The following RALYL variants were observed in gnomAD, a reference collection of about 807,000 sequenced individuals.
The protein encoded by RALYL is RALY RNA binding protein like, also known as RNA-binding Raly-like protein.
RALYL carries 29 observed loss-of-function variants against 35.1 expected under a neutral mutation model. The observed-to-expected ratio is 0.83, with a 90% CI of 0.61 to 1.13. The LOEUF (loss-of-function observed/expected upper bound fraction) is 1.13. RALYL is among the 50% of genes most tolerant of loss of function. The probability of loss-of-function intolerance (pLI) is 0.00; values close to 1 mark genes in which losing one functional copy is unlikely to be tolerated. For synonymous variants in RALYL, 120 were observed against 127.6 expected (o/e 0.94, Z 0.40); for missense variants, 359 against 360.4 (o/e 1.00, Z 0.03).
At chr8:84,576,686 A>G (rs1039168815) in intron 2 of RALYL, among the ~76,000 whole-genome samples, 1 of 152,198 alleles carries the variant, frequency 6.6e-6, no homozygotes, top group African/African-American at 2.4e-5. Flanking sequence ...TTTTTTAAAG[A>G]TTAAGTAAAT....
chr8:84,596,746 C>G (rs552397621), intron 2 of RALYL, among the ~76,000 whole-genome samples: 11 of 152,162 alleles, frequency 7.2e-5, no homozygotes, highest in Admixed American at 2.0e-4. Flanking sequence ...AATTCTGAAT[C>G]AGCTAATTAG....
chr8:84,725,720 T>G (rs1479104188), intron 2 of RALYL, among the ~76,000 whole-genome samples: 1 of 151,704 alleles, frequency 6.6e-6, no homozygotes, highest in Admixed American at 6.6e-5. Flanking sequence ...ATTATTAAAC[T>G]ACCAGAATGC....
chr8:84,836,325 G>A (rs1832015149), intron 4 of RALYL, among the ~76,000 whole-genome samples: 2 of 152,070 alleles, frequency 1.3e-5, no homozygotes, highest in Non-Finnish European at 2.9e-5. Context: ...TAAGTTAGGT[G>A]GATTATTTTA....
intron 1 of RALYL, among the ~76,000 whole-genome samples, chr8:84,220,694 T>G (rs7008600): frequency 0.013 from 2,008 of 151,794 alleles, 22 homozygotes; most frequent in Admixed American, 0.022. Context: ...TAGACACTTT[T>G]ATGAGTTTCT....
chr8:84,422,881 A>C (rs2045840700), intron 1 of RALYL, among the ~76,000 whole-genome samples: 1 of 149,126 alleles, frequency 6.7e-6, no homozygotes, highest in Non-Finnish European at 1.5e-5. Context: ...CTTAATCCTG[A>C]GTTCTAGTTT....
intron 4 of RALYL, among the ~76,000 whole-genome samples, chr8:84,840,936 C>A (rs1833149329): frequency 6.6e-6 from 1 of 152,094 alleles, no homozygotes; most frequent in African/African-American, 2.4e-5. Flanking sequence ...TTGTCACCAC[C>A]AGGCCTGCCC....
At chr8:84,720,874 A>G (rs1843769120) in intron 2 of RALYL, among the ~76,000 whole-genome samples, 1 of 152,138 alleles carries the variant, frequency 6.6e-6, no homozygotes, top group African/African-American at 2.4e-5. Context: ...CGGATAGCAG[A>G]TATATGAAAA....
At chr8:84,395,249 G>A (rs999990709) in intron 1 of RALYL, among the ~76,000 whole-genome samples, 1 of 151,638 alleles carries the variant, frequency 6.6e-6, no homozygotes, top group African/African-American at 2.4e-5. Context: ...TTTTATTTCT[G>A]TCTTTGTTGT....
chr8:84,731,815 G>A (rs1223073051), intron 2 of RALYL, among the ~76,000 whole-genome samples: 1 of 152,086 alleles, frequency 6.6e-6, no homozygotes, highest in African/African-American at 2.4e-5. Context: ...AAGTCCTTCA[G>A]TGACCAAAAG....
intron 1 of RALYL, among the ~76,000 whole-genome samples, chr8:84,286,684 C>T (rs1054638866): frequency 1.1e-4 from 17 of 152,082 alleles, no homozygotes; most frequent in African/African-American, 4.1e-4. Flanking sequence ...AAAGGTGGGA[C>T]ATCTTGAAGC....
rs577841797 is a variant in RALYL, at chr8:84,768,215, T to A, written c.257-6364T>A. 2.2e-4 allele frequency among the ~76,000 whole-genome samples: 34 copies of A among 152,292 alleles called. No homozygotes were observed. In the South Asian group the frequency reaches 6.8e-3, roughly 31 times the overall value. ...CTGTTGTTGGTGACCACAGAGTTAC[T>A]GCTAGGATGCCATACTGTGTGTCTG... On this transcript the variant is annotated intron_variant, in intron 2 of 8. Coordinates refer to ENST00000521268, the MANE Select transcript of RALYL (RefSeq NM_173848.7).
intron 1 of RALYL, among the ~76,000 whole-genome samples, chr8:84,333,557 C>G (rs1847221618): frequency 6.6e-6 from 1 of 152,112 alleles, no homozygotes; most frequent in Admixed American, 6.6e-5. Flanking sequence ...CTCATAGCAG[C>G]CCAAAGGAAT....
intron 1 of RALYL, among the ~76,000 whole-genome samples, chr8:84,425,635 TA>T (rs1469871497): frequency 6.6e-6 from 1 of 152,230 alleles, no homozygotes; most frequent in Non-Finnish European, 1.5e-5. Flanking sequence ...ACAGCAATTC[TA>T]AACTTTTCTC....
chr8:84,568,029 C>T (rs879558874), intron 2 of RALYL, among the ~76,000 whole-genome samples: 1 of 151,154 alleles, frequency 6.6e-6, no homozygotes, highest in Non-Finnish European at 1.5e-5. Context: ...CTGTTCATGT[C>T]CTTTTCCCAG....
intron 1 of RALYL, among the ~76,000 whole-genome samples, chr8:84,347,007 G>A (rs1056466153): frequency 3.9e-5 from 6 of 152,004 alleles, no homozygotes; most frequent in East Asian, 1.9e-4. Context: ...AGACCTGCCC[G>A]GCCAATGTGG....
Position 84,912,032 on chromosome 8 carries a change from G to A in RALYL, c.859-8862G>A, listed in dbSNP as rs189134447. 1.2e-4 allele frequency among the ~76,000 whole-genome samples: 18 copies of A among 152,154 alleles called. No homozygotes were observed. The East Asian group carries it at 3.5e-3, about 29-fold the overall frequency. ...TGTTCAAGAGTTTTATAGCACTTAA[G>A]CTCCAGCACCTCTCACTTTCCTTGA... is the stretch of plus-strand genomic sequence containing the variant. On this transcript the variant is annotated intron_variant, in intron 8 of 8. Transcript: ENST00000521268.
chr8:84,237,576 C>T (rs575861594), intron 1 of RALYL, among the ~76,000 whole-genome samples: 1 of 151,968 alleles, frequency 6.6e-6, no homozygotes, highest in Non-Finnish European at 1.5e-5. Flanking sequence ...CTATTGACAA[C>T]AACAACAATA....
intron 4 of RALYL, among the ~76,000 whole-genome samples, chr8:84,809,274 T>C (rs568762381): frequency 7.3e-4 from 111 of 152,312 alleles, no homozygotes; most frequent in Non-Finnish European, 1.3e-3. Flanking sequence ...ATTTATGTGG[T>C]ATATCACATT....
intron 2 of RALYL, among the ~76,000 whole-genome samples, chr8:84,621,367 C>T (rs545474679): frequency 1.4e-4 from 22 of 152,280 alleles, no homozygotes; most frequent in Admixed American, 5.2e-4. Context: ...TTCCAGGTGC[C>T]GGCTGTCCCC....
Sources: allele counts gnomAD v4.1 joint callset (sites outside exome capture counted in the v4.1 genomes callset), GRCh38; gene constraint gnomAD v4.1.1; transcripts MANE v1.5; gene names NCBI Gene and HGNC (gene_info 2026-07-23, HGNC 2026-07-21).